The following DSG3 variants were observed in gnomAD, a reference collection of about 807,000 sequenced individuals.
The protein encoded by DSG3 is desmoglein 3, also known as desmoglein-3.
DSG3 carries 63 observed loss-of-function variants against 85.9 expected under a neutral mutation model. The observed-to-expected ratio is 0.73, with a 90% CI of 0.60 to 0.90. The LOEUF is 0.90. DSG3 is among the 40% of genes least tolerant of loss of function. DSG3 has a pLI of 0.00. For missense variants in DSG3, 1,220 were observed against 1,219.9 expected, an observed-to-expected ratio of 1.00 and a Z score of 0.00; for synonymous variants, 447 against 441.9, an observed-to-expected ratio of 1.01 and a Z score of -0.14.
chr18:31,456,004 T>A (rs1292304570), intron 1 of DSG3, among the ~76,000 whole-genome samples: 2 of 152,188 alleles, frequency 1.3e-5, no homozygotes, highest in South Asian at 2.1e-4. Flanking sequence ...TACAAATCAG[T>A]TGGGTGGCTG....
chr18:31,449,549 A>C (rs2072699064), intron 1 of DSG3, among the ~76,000 whole-genome samples: 1 of 152,046 alleles, frequency 6.6e-6, no homozygotes, highest in South Asian at 2.1e-4. Flanking sequence ...CCTTATATTG[A>C]GGCTAATTTT....
chr18:31,452,655 C>T (rs1285898479), intron 1 of DSG3, among the ~76,000 whole-genome samples: 1 of 150,442 alleles, frequency 6.6e-6, no homozygotes, highest in Non-Finnish European at 1.5e-5. Context: ...ATGTGCTTTA[C>T]ACCTATTAAT....
chr18:31,465,442 G>A lies in DSG3; in HGVS notation c.1396G>A (p.Val466Ile), dbSNP rs781126675. Residue 466 changes from valine (V) to isoleucine (I), a missense_variant, in exon 10 of 16, where the codon GTT (valine) becomes ATT (isoleucine). Physicochemically the swap from Val to Ile is conservative, Grantham distance 29 (BLOSUM62 3). Transcript: ENST00000257189. ...AGTTAACAAAACAATCACAGCTGAG[G>A]TTCTGGCCATAGATGGTAAGAAAAA... ...FIVNKTITAE[V>I]LAIDEYTGKT... 2.0e-6 allele frequency: 3 copies of A among 1,507,736 alleles called. No individual in the cohort carries two copies. Among genetic ancestry groups the A allele is most frequent in the Non-Finnish European group, 2.7e-6 (3 of 1,130,784 alleles). The allele number at this position is 1,507,736 out of a possible 1,614,324, so 93.4% of individuals were successfully genotyped here. A position where few individuals can be genotyped will look rare whatever the true frequency, so the allele number is the denominator to read the frequency against.
Position 31,475,659 on chromosome 18 carries a change from G to T in DSG3, c.2399G>T (p.Cys800Phe), listed in dbSNP as rs778529047. ...TCTCTGTCTTAGAAAGCATTTGCCT[G>T]TGCGGAGGAAGACGATGGCCAGGAA... ...DSYFSQKAFACAEEDDGQEAN... is the reference protein window; with the variant it reads ...DSYFSQKAFAFAEEDDGQEAN... The change falls in exon 16 of 16, where the codon TGT becomes TTT. Residue 800 changes from cysteine (C) to phenylalanine (F), a missense_variant. By Grantham distance (205) the Cys-to-Phe change is radical. Transcript: ENST00000257189. 6.8e-6 allele frequency: 11 copies of T among 1,613,936 alleles called. No individual in the cohort carries two copies. The highest frequency in any genetic ancestry group is 9.3e-6 in the Non-Finnish European group (11 of 1,179,974).
At position 31,461,091 on chromosome 18, in the gene DSG3, TA is replaced by T. The variant is rs1287108790; in HGVS notation, c.814-130del. 2.4e-6 allele frequency: 3 copies of T among 1,255,542 alleles called. No individual in the cohort carries two copies. The Admixed American group carries it at 9.1e-5, about 38-fold the overall frequency. 77.8% of individuals were successfully genotyped at this position (1,255,542 alleles called of 1,614,324 possible). On this transcript the variant is annotated intron_variant, in intron 7 of 15. Transcript: ENST00000257189. The stretch of plus-strand genomic sequence containing the variant: ...CTTATCTTTAAAGAAATATGCTTTT[TA>T]AAAAATATAAGAATTCAGTAATAAG...
intron 3 of DSG3, among the ~76,000 whole-genome samples, chr18:31,458,157 ATGACTT>A (rs1385733806): frequency 1.2e-4 from 19 of 152,152 alleles, no homozygotes; most frequent in Non-Finnish European, 2.1e-4. Context: ...TCAATATTAA[ATGACTT>A]TGACTTTCTT....
At chr18:31,465,133 A>C (rs1185849172) in intron 9 of DSG3, among the ~76,000 whole-genome samples, 185 bp from the exon 10 acceptor site, 3 of 152,098 alleles carry the variant, frequency 2.0e-5, no homozygotes, top group Non-Finnish European at 4.4e-5. Flanking sequence ...CTCAAAAAAA[A>C]AAAAAAGAAT....
Position 31,464,247 on chromosome 18 carries a change from A to G in DSG3, c.1136A>G (p.Glu379Gly). Residue 379 changes from glutamate to glycine, a missense_variant, in exon 9 of 16, where the codon GAA (glutamate) becomes GGA (glycine). Coordinates refer to ENST00000257189, the MANE Select transcript of DSG3 (RefSeq NM_001944.3). The part of the protein sequence containing the change: ...PVTIQVINVR[E>G]GIAFRPASKT... ...ACAATTCAGGTAATAAATGTAAGAG[A>G]AGGAATTGCATTCCGTCCTGCTTCC... 2 of 1,614,184 alleles carry G rather than the reference A, an allele frequency of 1.2e-6. No homozygotes were observed. Among genetic ancestry groups the G allele is most frequent in the Non-Finnish European group, 1.7e-6 (2 of 1,180,002 alleles).
chr18:31,469,130 G>A lies in DSG3; in HGVS notation c.1678G>A (p.Gly560Arg), dbSNP rs868280985. 1.2e-6 allele frequency: 2 copies of A among 1,614,078 alleles called. No homozygotes were observed. Among genetic ancestry groups the A allele is most frequent in the East Asian group, 2.2e-5 (1 of 44,898 alleles). The change falls in exon 12 of 16, where the codon GGA (glycine) becomes AGA (arginine). Residue 560 changes from glycine (G) to arginine (R), a missense_variant. Gly to Arg is a moderately radical substitution (Grantham distance 125). Transcript: ENST00000257189. ...CAGAGCCCAGGAACAGATACCTCCT[G>A]GAGTATACCACATCTCCCTGGTACT... ...LLRAQEQIPPGVYHISLVLTD... is the reference protein window; with the variant it reads ...LLRAQEQIPPRVYHISLVLTD...
chr18:31,465,074 G>A (rs373233026), intron 9 of DSG3, among the ~76,000 whole-genome samples: 30 of 150,450 alleles, frequency 2.0e-4, no homozygotes, highest in African/African-American at 6.4e-4. Flanking sequence ...GTGGTGAGCC[G>A]AGATGGCACC....
chr18:31,458,562 A>G lies in DSG3; in HGVS notation c.334A>G (p.Thr112Ala), dbSNP rs752815998. Residue 112 changes from threonine to alanine, a missense_variant, in exon 4 of 16, where the codon ACA becomes GCA. Physicochemically the swap from Thr to Ala is moderately conservative, Grantham distance 58 (BLOSUM62 0). Transcript: ENST00000257189. ...VDKNTGDINI[T>A]AIVDREETPS... ...CAAAAACACTGGAGATATTAACATA[A>G]CAGCTATAGTCGACCGGGAGGAAAC... The G allele has an allele frequency of 2.0e-5, 32 of 1,614,062 alleles. No homozygotes were observed. In the Admixed American group the frequency reaches 5.2e-4, roughly 26 times the overall value.
Position 31,464,385 on chromosome 18 carries a change from A to G in DSG3, c.1271+3A>G, listed in dbSNP as rs1024743363. 6.2e-7 allele frequency: 1 copy of G among 1,602,770 alleles called. No individual in the cohort carries two copies. The highest frequency in any genetic ancestry group is 1.3e-5 in the African/African-American group (1 of 74,522). On this transcript the variant is annotated splice_donor_region_variant and intron_variant, in intron 9 of 15. Coordinates refer to ENST00000257189, the MANE Select transcript of DSG3 (RefSeq NM_001944.3). ...AACAAAGCTGCCTCAAATGTCAAGT[A>G]AGACTATTTTTATTTATATCCTATT...
intron 12 of DSG3, among the ~76,000 whole-genome samples, chr18:31,470,356 G>C (rs1473904943): frequency 6.6e-6 from 1 of 152,026 alleles, no homozygotes; most frequent in Non-Finnish European, 1.5e-5. Context: ...TATTTTTTCA[G>C]GTCCCTTTTT....
rs2072840093 is a variant in DSG3, at chr18:31,469,200, C to T, written c.1748C>T (p.Thr583Ile). 3 of 1,614,200 alleles carry T rather than the reference C, an allele frequency of 1.9e-6. No individual in the cohort carries two copies. The highest frequency in any genetic ancestry group is 2.5e-6 in the Non-Finnish European group (3 of 1,180,050). ...NNRCEMPRSL[T>I]LEVCQCDNRG... Reference sequence around the variant, plus strand: ...CGGTGTGAGATGCCACGCAGCTTGACACTGGAAGTCTGTCAGTGTGACAAC... The same window carrying T: ...CGGTGTGAGATGCCACGCAGCTTGATACTGGAAGTCTGTCAGTGTGACAAC... Residue 583 changes from threonine to isoleucine, a missense_variant, in exon 12 of 16, where the codon ACA (threonine) becomes ATA (isoleucine). Coordinates refer to ENST00000257189, the MANE Select transcript of DSG3 (RefSeq NM_001944.3).
intron 3 of DSG3, among the ~76,000 whole-genome samples, chr18:31,458,122 G>T (rs2072760530): frequency 6.6e-6 from 1 of 152,090 alleles, no homozygotes; most frequent in Non-Finnish European, 1.5e-5. Flanking sequence ...GTCAGGTAAA[G>T]AGGGAGCCTT....
chr18:31,449,501 T>G (rs945294291), intron 1 of DSG3, among the ~76,000 whole-genome samples: 1 of 152,118 alleles, frequency 6.6e-6, no homozygotes, highest in Non-Finnish European at 1.5e-5. Flanking sequence ...TATAGGACAC[T>G]CTCAATTACT....
At chr18:31,473,242 C>T (rs575254142) in intron 14 of DSG3, among the ~76,000 whole-genome samples, 1 of 152,312 alleles carries the variant, frequency 6.6e-6, no homozygotes, top group East Asian at 1.9e-4. Context: ...CTTCTTTCTT[C>T]CCCAGAACTA....
intron 8 of DSG3, among the ~76,000 whole-genome samples, chr18:31,461,821 C>T (rs1006348852): frequency 1.3e-5 from 2 of 152,182 alleles, no homozygotes; most frequent in African/African-American, 4.8e-5. Context: ...ATTCGTCAAT[C>T]GGTTTTAAAT....
chr18:31,452,619 T>C (rs978627886), intron 1 of DSG3, among the ~76,000 whole-genome samples: 2 of 148,408 alleles, frequency 1.3e-5, no homozygotes, highest in African/African-American at 2.5e-5. Flanking sequence ...TTAATAAAAC[T>C]AACTTACTTT....
Sources: allele counts gnomAD v4.1 joint callset (sites outside exome capture counted in the v4.1 genomes callset), GRCh38; gene constraint gnomAD v4.1.1; transcripts MANE v1.5; gene names NCBI Gene and HGNC (gene_info 2026-07-23, HGNC 2026-07-21).